Variants in GPHN observed in about 807,000 individuals in gnomAD.
GPHN encodes gephyrin.
GPHN carries 17 observed loss-of-function variants against 95.5 expected under a neutral mutation model. The observed-to-expected ratio is 0.18, with a 90% CI of 0.12 to 0.27. The LOEUF (loss-of-function observed/expected upper bound fraction) is 0.27. Ranked by LOEUF, GPHN falls within the 10% of genes least tolerant of loss-of-function variation. The probability of loss-of-function intolerance (pLI) is 1.00; values close to 1 mark genes in which losing one functional copy is unlikely to be tolerated. For missense variants in GPHN, 660 were observed against 978.1 expected, an observed-to-expected ratio of 0.67 and a Z score of 4.34; for synonymous variants, 320 against 322.5, an observed-to-expected ratio of 0.99 and a Z score of 0.08.
the GPHN span, among the ~76,000 whole-genome samples, chr14:67,428,168 C>G: frequency 6.6e-6 from 1 of 152,164 alleles, no homozygotes; most frequent in Non-Finnish European, 1.5e-5. Flanking sequence ...ACCCACCCGC[C>G]TCAGCCTCCC....
At chr14:66,568,309 T>G (rs2060541863) in intron 1 of GPHN, among the ~76,000 whole-genome samples, 1 of 152,164 alleles carries the variant, frequency 6.6e-6, no homozygotes, top group African/African-American at 2.4e-5. Context: ...TATTGTTTTG[T>G]GTTTTTGGTA....
intron 5 of GPHN, among the ~76,000 whole-genome samples, chr14:66,889,832 G>T (rs963310273): frequency 1.3e-5 from 2 of 151,652 alleles, no homozygotes; most frequent in Admixed American, 1.3e-4. Context: ...GCTAAAGTTG[G>T]TTCTTCAAAA....
the GPHN span, chr14:67,617,241 A>G: frequency 6.6e-6 from 1 of 152,198 alleles, no homozygotes; most frequent in Admixed American, 6.5e-5. Context: ...CAATGGTGCA[A>G]TCATGGCTCA....
the GPHN span, among the ~76,000 whole-genome samples, chr14:67,284,547 TAAAAAAAAAAAAAAAAAAAAAAAAAA>T: frequency 3.4e-4 from 8 of 23,296 alleles, no homozygotes; most frequent in East Asian, 1.1e-3. Context: ...GCTGCAGTGC[TAAAAAAAAAAAAAAAAAAAAAAAAAA>T]AAAAAAAAAA....
the GPHN span, among the ~76,000 whole-genome samples, chr14:67,342,209 TAAATA>T: frequency 1.3e-4 from 13 of 98,122 alleles, no homozygotes; most frequent in Non-Finnish European, 1.9e-4. Context: ...AATAAATAAA[TAAATA>T]AAATAAAATA....
the GPHN span, among the ~76,000 whole-genome samples, chr14:67,537,613 C>T: frequency 6.6e-6 from 1 of 151,884 alleles, no homozygotes; most frequent in Non-Finnish European, 1.5e-5. Context: ...CTTCAGTGAA[C>T]CATGATTGTG....
At chr14:66,961,928 A>ATATATG (rs1321739262) in intron 8 of GPHN, among the ~76,000 whole-genome samples, 2 of 81,148 alleles carry the variant, frequency 2.5e-5, no homozygotes, top group Non-Finnish European at 3.9e-5. Flanking sequence ...ATATATATAT[A>ATATATG]TATATATATA....
At chr14:67,204,764 GCA>G in the GPHN span, 1 of 1,607,268 alleles carries the variant, frequency 6.2e-7, no homozygotes, top group Non-Finnish European at 8.5e-7. Context: ...ATTACGAATA[GCA>G]CAGACATCAC....
the GPHN span, among the ~76,000 whole-genome samples, chr14:67,551,112 T>C: frequency 3.3e-5 from 5 of 152,216 alleles, no homozygotes; most frequent in South Asian, 8.3e-4. Flanking sequence ...ACAGTGTGAG[T>C]CTTATAGGAC....
chr14:66,601,133 A>G (rs2062217946), intron 1 of GPHN, among the ~76,000 whole-genome samples: 1 of 152,046 alleles, frequency 6.6e-6, no homozygotes, highest in African/African-American at 2.4e-5. Flanking sequence ...TGAGGACACC[A>G]CCAAAGTAGT....
chr14:67,428,863 C>T, the GPHN span, among the ~76,000 whole-genome samples: 3 of 152,154 alleles, frequency 2.0e-5, no homozygotes, highest in East Asian at 1.9e-4. Context: ...GAGAAGCAGG[C>T]GTTGGTTTGG....
At chr14:66,770,873 T>C (rs1364356208) in intron 2 of GPHN, among the ~76,000 whole-genome samples, 1 of 152,172 alleles carries the variant, frequency 6.6e-6, no homozygotes. Flanking sequence ...GTAAAGTTTA[T>C]CATAGGTGTG....
At chr14:67,335,786 A>G in the GPHN span, 1 of 152,560 alleles carries the variant, frequency 6.6e-6, no homozygotes, top group African/African-American at 2.4e-5. Context: ...TGTAAAAATA[A>G]AAAGTAAAAT....
intron 18 of GPHN, among the ~76,000 whole-genome samples, chr14:67,143,768 A>G (rs2080644858): frequency 6.6e-6 from 1 of 152,056 alleles, no homozygotes; most frequent in South Asian, 2.1e-4. Flanking sequence ...CACCAGGGTA[A>G]AACTCTAAGA....
At chr14:66,774,842 A>C (rs2153460263) in intron 2 of GPHN, among the ~76,000 whole-genome samples, 1 of 152,308 alleles carries the variant, frequency 6.6e-6, no homozygotes, top group African/African-American at 2.4e-5. Context: ...ATATAGCTAC[A>C]TTTGGAAATG....
the GPHN span, among the ~76,000 whole-genome samples, chr14:67,604,078 C>T: frequency 6.6e-6 from 1 of 151,450 alleles, no homozygotes; most frequent in Non-Finnish European, 1.5e-5. Context: ...CTGCAACTTC[C>T]ACCTCCTGGG....
chr14:66,956,863 A>G (rs1043905792), intron 8 of GPHN, among the ~76,000 whole-genome samples: 3 of 150,970 alleles, frequency 2.0e-5, no homozygotes, highest in South Asian at 2.1e-4. Context: ...CTATCGCAAG[A>G]ACAAAAAACC....
intron 13 of GPHN, among the ~76,000 whole-genome samples, chr14:67,106,609 T>C (rs1025756702): frequency 6.6e-6 from 1 of 152,164 alleles, no homozygotes; most frequent in African/African-American, 2.4e-5. Flanking sequence ...CTATTGTAAT[T>C]TTTTATTTCA....
intron 5 of GPHN, among the ~76,000 whole-genome samples, chr14:66,909,257 A>G (rs188048346): frequency 1.3e-5 from 2 of 152,216 alleles, no homozygotes; most frequent in African/African-American, 4.8e-5. Flanking sequence ...TCAAGGAGCA[A>G]ATGATTTCAA....
Sources: gnomAD v4.1 joint callset for allele counts (sites outside exome capture counted in the v4.1 genomes callset) on GRCh38, gnomAD v4.1.1 for gene constraint, MANE v1.5 for transcripts, NCBI Gene and HGNC (gene_info 2026-07-23, HGNC 2026-07-21) for gene names.